The following TMEM175 variants were observed in gnomAD, a reference collection of about 807,000 sequenced individuals.
The protein encoded by TMEM175 is transmembrane protein 175, also known as endosomal/lysosomal proton channel TMEM175.
A neutral mutation model predicts 36.5 loss-of-function variants in TMEM175; 36 were observed. The observed-to-expected ratio is 0.99, with a 90% CI of 0.76 to 1.30. The LOEUF is 1.30. Ranked by LOEUF, TMEM175 falls within the 50% of genes most tolerant of loss-of-function variation. The pLI, the probability that TMEM175 is intolerant of heterozygous loss-of-function variation, is 0.00. For synonymous variants in TMEM175, 339 were observed against 313.4 expected, an observed-to-expected ratio of 1.08 and a Z score of -0.86; for missense variants, 705 against 692.8, an observed-to-expected ratio of 1.02 and a Z score of -0.20.
At chr4:950,093 C>G (rs927851939) in intron 3 of TMEM175, among the ~76,000 whole-genome samples, 2 of 152,088 alleles carry the variant, frequency 1.3e-5, no homozygotes, top group Non-Finnish European at 2.9e-5. Flanking sequence ...AGCTGACCCC[C>G]CAGCAGGAAC....
intron 1 of TMEM175, among the ~76,000 whole-genome samples, chr4:937,688 C>A (rs1726950051): frequency 1.3e-5 from 2 of 152,242 alleles, no homozygotes; most frequent in Non-Finnish European, 2.9e-5. Context: ...CCCACCTCAT[C>A]ATTCCTTACA....
At chr4:956,352 T>C in intron 10 of TMEM175, 1 of 1,290,968 alleles carries the variant, frequency 7.7e-7, no homozygotes, top group Non-Finnish European at 1.0e-6. Context: ...GTTGCTTCCT[T>C]CCAGCGTCTG....
Position 955,867 on chromosome 4 carries a change from C to T in TMEM175, c.819C>T (p.Ala273=), listed in dbSNP as rs1006779819. Residue 273 remains alanine, a synonymous_variant, in exon 10 of 11, where the codon GCC becomes GCT. Transcript: ENST00000264771. ...GCGACGGAGTCTACGCCATCGTGGC[C>T]ACGCTTCTCATCCTGGACATCTGGT... is the stretch of plus-strand genomic sequence containing the variant. ...AFSDGVYAIV[A]TLLILDICED... 1 of 1,613,782 alleles carries T rather than the reference C, an allele frequency of 6.2e-7. No individual in the cohort carries two copies. The highest frequency in any genetic ancestry group is 1.3e-5 in the African/African-American group (1 of 74,922).
At chr4:950,608 G>C (rs1373125967) in intron 4 of TMEM175, 90 bp downstream of exon 4, 1 of 1,000,446 alleles carries the variant, frequency 1.0e-6, no homozygotes, top group Non-Finnish European at 1.6e-6. Flanking sequence ...TGGGGTCGGG[G>C]AGGACAGCAG....
chr4:934,412 A>T (rs1446531285), intron 1 of TMEM175, among the ~76,000 whole-genome samples: 1 of 152,230 alleles, frequency 6.6e-6, no homozygotes, highest in Non-Finnish European at 1.5e-5. Context: ...GTCGAATGCC[A>T]CTTAAAAGTC....
intron 6 of TMEM175, chr4:951,950 C>T: frequency 1.7e-6 from 1 of 600,058 alleles, no homozygotes; most frequent in Non-Finnish European, 3.0e-6. Context: ...CAGCTCCCAC[C>T]CGGCCCTGAG....
chr4:948,423 G>A, intron 3 of TMEM175: 1 of 1,515,650 alleles, frequency 6.6e-7, no homozygotes, highest in Non-Finnish European at 8.8e-7. Context: ...GACAAAGGCA[G>A]CACCCTGGAA....
chr4:947,386 G>A (rs957822367), intron 1 of TMEM175, among the ~76,000 whole-genome samples: 2 of 152,184 alleles, frequency 1.3e-5, no homozygotes, highest in African/African-American at 2.4e-5. Context: ...CCTCTTCCAC[G>A]TTTAGGTCGG....
chr4:947,059 CGAGGGAGAG>C (rs1728251945), intron 1 of TMEM175, among the ~76,000 whole-genome samples: 1 of 131,992 alleles, frequency 7.6e-6, no homozygotes, highest in African/African-American at 2.9e-5. Context: ...GCGCCGAGAC[CGAGGGAGAG>C]CGCGGCCCCT....
At chr4:947,658 C>T (rs749045134) in intron 1 of TMEM175, 51 bp from the exon 2 acceptor site, 253 of 1,487,318 alleles carry the variant, frequency 1.7e-4, no homozygotes, top group Non-Finnish European at 2.1e-4. Flanking sequence ...GCTGCATGGC[C>T]GACCTCCAGG....
intron 6 of TMEM175, 116 bp downstream of exon 6, chr4:951,833 G>A (rs1728928774): frequency 2.3e-5 from 27 of 1,159,914 alleles, no homozygotes; most frequent in Non-Finnish European, 3.1e-5. Context: ...CGGTTGTAGA[G>A]AAGAGAGAAG....
chr4:950,758 T>C (rs1355546139), intron 4 of TMEM175, among the ~76,000 whole-genome samples: 1 of 132,138 alleles, frequency 7.6e-6, no homozygotes, highest in African/African-American at 3.0e-5. Flanking sequence ...TAGGTGGAGG[T>C]GTGGACGGTG....
chr4:936,200 C>T (rs1726756423), intron 1 of TMEM175, among the ~76,000 whole-genome samples: 1 of 151,588 alleles, frequency 6.6e-6, no homozygotes, highest in African/African-American at 2.4e-5. Context: ...CTGGGTGTAG[C>T]AGTGCATGCC....
chr4:950,704 C>T (rs113987818), intron 4 of TMEM175, among the ~76,000 whole-genome samples, 186 bp downstream of exon 4: 17 of 151,226 alleles, frequency 1.1e-4, no homozygotes, highest in African/African-American at 4.2e-4. Context: ...GTGCAGTAGG[C>T]GGAGGTGTGG....
chr4:956,501 G>T, intron 10 of TMEM175: 1 of 1,253,164 alleles, frequency 8.0e-7, no homozygotes, highest in Non-Finnish European at 1.0e-6. Flanking sequence ...GGAGTATAGT[G>T]GCTCAAGCTC....
Position 940,186 on chromosome 4 carries a change from C to T in TMEM175, c.-31-7523C>T, listed in dbSNP as rs543580969. 4.5e-3 allele frequency among the ~76,000 whole-genome samples: 689 copies of T among 152,264 alleles called. 9 individuals are homozygous for T. Among genetic ancestry groups the T allele is most frequent in the African/African-American group, 0.016 (662 of 41,550 alleles). ...GCAGTAGGCCAGGCGCAGTGGCTCA[C>T]GCCTGTAATCCCAGCACTTTCGGAG... is the stretch of plus-strand genomic sequence containing the variant. On this transcript the variant is annotated intron_variant, in intron 1 of 10. Transcript: ENST00000264771.
Position 948,568 on chromosome 4 carries a change from C to T in TMEM175, c.192+414C>T, listed in dbSNP as rs1395526310. The T allele has an allele frequency of 2.3e-5, 30 of 1,324,206 alleles. No homozygotes were observed. The East Asian group carries it at 2.4e-4, about 11-fold the overall frequency. The allele number at this position is 1,324,206 out of a possible 1,614,324, so 82.0% of individuals were successfully genotyped here. A position where few individuals can be genotyped will look rare whatever the true frequency, so the allele number is the denominator to read the frequency against. On this transcript the variant is annotated intron_variant, in intron 3 of 10. Transcript: ENST00000264771. ...CTCTGAGTAAACGCGGCCAGCGCCCCGTCTCAGCGGGGACACTCCCACCCC... is the reference window on the plus strand; with the variant it reads ...CTCTGAGTAAACGCGGCCAGCGCCCTGTCTCAGCGGGGACACTCCCACCCC...
In TMEM175 at chr4:957,995, G is replaced by A. The variant is rs139493847; in HGVS notation, c.1014G>A (p.Thr338=). 4.0e-4 allele frequency: 639 copies of A among 1,612,774 alleles called. 5 individuals are homozygous for A. The African/African-American group carries it at 6.0e-3, about 15-fold the overall frequency. The change falls in exon 11 of 11, where the codon ACG becomes ACA. Residue 338 remains threonine, a synonymous_variant. Coordinates refer to ENST00000264771, the MANE Select transcript of TMEM175 (RefSeq NM_032326.4). ...HSLFLHVRKA[T]RAMGLLNTLS... ...TCTTCCTGCATGTGCGCAAGGCCAC[G>A]CGGGCCATGGGGCTGCTGAACACGC...
chr4:933,545 G>A (rs1726363915), intron 1 of TMEM175, among the ~76,000 whole-genome samples: 1 of 152,068 alleles, frequency 6.6e-6, no homozygotes, highest in African/African-American at 2.4e-5. Context: ...CAGCTTCTGT[G>A]GAAAAATCAA....
Sources: gnomAD v4.1 joint callset for allele counts (sites outside exome capture counted in the v4.1 genomes callset) on GRCh38, gnomAD v4.1.1 for gene constraint, MANE v1.5 for transcripts, NCBI Gene and HGNC (gene_info 2026-07-23, HGNC 2026-07-21) for gene names.